RGS5: variants seen among roughly 807,000 people sequenced by gnomAD.
The protein encoded by RGS5 is regulator of G-protein signalling 5.
RGS5 carries 20 observed loss-of-function variants against 18.9 expected under a neutral mutation model. That is an observed-to-expected ratio of 1.06 (90% CI 0.74 to 1.54). The LOEUF is 1.54. Ranked by LOEUF, RGS5 falls within the 40% of genes most tolerant of loss-of-function variation. RGS5 has a pLI of 0.00. For synonymous variants in RGS5, 57 were observed against 76.2 expected, an observed-to-expected ratio of 0.75 and a Z score of 1.31; for missense variants, 201 against 211.8, an observed-to-expected ratio of 0.95 and a Z score of 0.32.
chr1:163,311,314 A>G (rs189476947), intron 1 of RGS5, among the ~76,000 whole-genome samples: 1 of 152,204 alleles, frequency 6.6e-6, no homozygotes, highest in Admixed American at 6.5e-5. Flanking sequence ...AACTTTCTCC[A>G]TATCAGCAAT....
At chr1:163,150,365 T>C (rs1180340653) in intron 4 of RGS5, among the ~76,000 whole-genome samples, 1 of 152,194 alleles carries the variant, frequency 6.6e-6, no homozygotes, top group Non-Finnish European at 1.5e-5. Flanking sequence ...AACAATTATC[T>C]GAGTGGGTTT....
chr1:163,189,323 G>A (rs1370623092), intron 1 of RGS5, among the ~76,000 whole-genome samples: 2 of 152,154 alleles, frequency 1.3e-5, no homozygotes, highest in African/African-American at 2.4e-5. Flanking sequence ...CAAGAGGATG[G>A]CAAAGGGCAG....
chr1:163,279,480 A>G (rs1648937685), intron 2 of RGS5, among the ~76,000 whole-genome samples: 1 of 152,044 alleles, frequency 6.6e-6, no homozygotes, highest in Non-Finnish European at 1.5e-5. Flanking sequence ...ACAAATGAAA[A>G]TAAAAGCACA....
chr1:163,197,411 G>T (rs954693430), intron 1 of RGS5, among the ~76,000 whole-genome samples: 3 of 152,086 alleles, frequency 2.0e-5, no homozygotes, highest in African/African-American at 7.2e-5. Context: ...AGCTCTAGGG[G>T]CCCCGCCTAC....
At chr1:163,214,091 G>T (rs1349752780) in intron 1 of RGS5, among the ~76,000 whole-genome samples, 1 of 151,970 alleles carries the variant, frequency 6.6e-6, no homozygotes, top group Non-Finnish European at 1.5e-5. Context: ...TCCCATGGTT[G>T]GGCTCCATGG....
At chr1:163,215,742 A>T (rs538767274) in intron 1 of RGS5, among the ~76,000 whole-genome samples, 3 of 152,234 alleles carry the variant, frequency 2.0e-5, no homozygotes, top group East Asian at 3.9e-4. Context: ...GGGAATTATT[A>T]GGCATTTGGG....
Position 163,215,363 on chromosome 1 carries a change from G to T in RGS5, c.69+2163C>A, listed in dbSNP as rs116414744. 9.1e-3 allele frequency among the ~76,000 whole-genome samples: 1,386 copies of T among 152,268 alleles called. 26 individuals are homozygous for T. Among genetic ancestry groups the T allele is most frequent in the African/African-American group, 0.032 (1,317 of 41,560 alleles). ...AAGTTATCCAAACTCTCTGATGTCA[G>T]TCACTTCATCTATAAGATATAGTTA... On this transcript the variant is annotated intron_variant, in intron 1 of 5. Coordinates refer to the RGS5 transcript ENST00000367903.
chr1:163,220,923 T>G (rs994391802), upstream of RGS5, among the ~76,000 whole-genome samples: 1 of 152,174 alleles, frequency 6.6e-6, no homozygotes, highest in Non-Finnish European at 1.5e-5. Flanking sequence ...AAAAGTCCAG[T>G]AATCACTCTT....
At chr1:163,205,025 T>C (rs1325225666), upstream of RGS5, among the ~76,000 whole-genome samples, 1 of 152,102 alleles carries the variant, frequency 6.6e-6, no homozygotes, top group African/African-American at 2.4e-5. Flanking sequence ...GAACCCAAAA[T>C]GTAAAATTCA....
chr1:163,219,627 C>A (rs528656192), upstream of RGS5, among the ~76,000 whole-genome samples: 5 of 152,202 alleles, frequency 3.3e-5, no homozygotes, highest in South Asian at 1.0e-3. Context: ...GATGTTCATG[C>A]ATTGCTGTTT....
intron 2 of RGS5, among the ~76,000 whole-genome samples, chr1:163,261,881 AT>A (rs145604066): frequency 0.097 from 14,697 of 151,896 alleles, 982 homozygotes; most frequent in South Asian, 0.2. Flanking sequence ...TTGCATTCCT[AT>A]TTTTTTTTAA....
intron 1 of RGS5, among the ~76,000 whole-genome samples, chr1:163,308,821 T>C (rs1649775452): frequency 6.6e-6 from 1 of 152,188 alleles, no homozygotes; most frequent in Admixed American, 6.5e-5. Context: ...AAAGTGAGTA[T>C]CACAATAAAG....
chr1:163,150,379 C>G (rs559675808), intron 4 of RGS5, among the ~76,000 whole-genome samples: 39 of 152,238 alleles, frequency 2.6e-4, no homozygotes, highest in Admixed American at 2.0e-3. Context: ...TGGGTTTCTA[C>G]TATTTGTAGG....
rs559928149 is a variant in RGS5 at position 163,143,343 on chromosome 1, C to A, written c.*3999G>T. ...TCCAAAACCTACATAGAATTGCCTA[C>A]CCCTTGGGTTTCGATGCTTGGATGT... On this transcript the variant is annotated 3_prime_UTR_variant, in exon 5 of 5. Coordinates refer to ENST00000313961, the MANE Select transcript of RGS5 (RefSeq NM_003617.4). 6.6e-6 allele frequency: 1 copy of A among 152,150 alleles called. No individual in the cohort carries two copies. Among genetic ancestry groups the A allele is most frequent in the Non-Finnish European group, 1.5e-5 (1 of 68,032 alleles). The allele number at this position is 152,150 out of a possible 1,614,324, so 9.4% of individuals were successfully genotyped here.
At chr1:163,257,009 A>G (rs1557921845) in intron 2 of RGS5, among the ~76,000 whole-genome samples, 1 of 152,118 alleles carries the variant, frequency 6.6e-6, no homozygotes, top group East Asian at 1.9e-4. Context: ...ATAATAATTC[A>G]CTTTCCCATT....
intron 1 of RGS5, among the ~76,000 whole-genome samples, chr1:163,311,790 T>C (rs1649870768): frequency 6.6e-6 from 1 of 152,148 alleles, no homozygotes; most frequent in Non-Finnish European, 1.5e-5. Context: ...AATTAAAAAG[T>C]TTAAAATATT....
chr1:163,220,308 C>A (rs998986891), upstream of RGS5, among the ~76,000 whole-genome samples: 3 of 133,430 alleles, frequency 2.2e-5, no homozygotes, highest in East Asian at 6.1e-4. Context: ...TTTTCTGCAT[C>A]CATTAAAATA....
intron 2 of RGS5, among the ~76,000 whole-genome samples, chr1:163,274,177 G>A (rs1440036250): frequency 6.6e-6 from 1 of 152,144 alleles, no homozygotes; most frequent in Admixed American, 6.5e-5. Flanking sequence ...AATGACACCT[G>A]AGTGTATGCT....
intron 2 of RGS5, among the ~76,000 whole-genome samples, chr1:163,229,049 T>G (rs2202826): frequency 0.22 from 33,576 of 152,198 alleles, 4,234 homozygotes; most frequent in Non-Finnish European, 0.28. Flanking sequence ...CCTCTGCCTG[T>G]TACCCGTTCC....
Sources: allele counts gnomAD v4.1 joint callset (sites outside exome capture counted in the v4.1 genomes callset), GRCh38; gene constraint gnomAD v4.1.1; transcripts MANE v1.5; gene names NCBI Gene and HGNC (gene_info 2026-07-23, HGNC 2026-07-21).